Variants in UBN2 observed in about 807,000 individuals in gnomAD.
UBN2 encodes ubinuclein-2.
In UBN2, 35 loss-of-function variants were observed where a neutral mutation model predicts 120.2. The observed-to-expected ratio is 0.29, with a 90% CI of 0.22 to 0.39. UBN2 has a LOEUF of 0.39. Ranked by LOEUF, UBN2 falls within the 10% of genes least tolerant of loss-of-function variation. UBN2 has a pLI of 1.00. For missense variants in UBN2, 1,693 were observed against 1,663.2 expected, an observed-to-expected ratio of 1.02 and a Z score of -0.31; for synonymous variants, 661 against 648.7, an observed-to-expected ratio of 1.02 and a Z score of -0.29.
intron 12 of UBN2, chr7:139,277,718 G>A (rs1381690940): frequency 1.3e-5 from 2 of 152,156 alleles, no homozygotes; most frequent in Non-Finnish European, 1.5e-5. Context: ...ATACGTATAT[G>A]TTTGTGTCAG....
intron 2 of UBN2, among the ~76,000 whole-genome samples, chr7:139,240,452 A>T (rs201208679): frequency 0.13 from 7,291 of 57,244 alleles, 201 homozygotes; most frequent in Non-Finnish European, 0.16. Flanking sequence ...ATATATATAT[A>T]TATTTTTTTT....
At chr7:139,297,748 C>T (rs1299259381) in intron 17 of UBN2, 39 bp from the exon 18 acceptor site, 1 of 1,602,578 alleles carries the variant, frequency 6.2e-7, no homozygotes, top group Non-Finnish European at 8.5e-7. Context: ...GTTTTTGTAA[C>T]ATATGGACCC....
chr7:139,279,453 G>A lies in UBN2; in HGVS notation c.2067+93G>A, dbSNP rs893348277. 17 of 946,024 alleles carry A rather than the reference G, an allele frequency of 1.8e-5. No individual in the cohort carries two copies. The East Asian group carries it at 3.2e-4, about 18-fold the overall frequency. 58.6% of individuals were successfully genotyped at this position (946,024 alleles called of 1,614,324 possible). ...AAAAGATGTATGGTATTTAGCAGAG[G>A]TCAGTAGGCACTATAAGATAGATGT... On this transcript the variant is annotated intron_variant, in intron 13 of 17. Transcript: ENST00000473989.
intron 17 of UBN2, 135 bp downstream of exon 17, chr7:139,294,116 CT>C (rs1342851319): frequency 1.3e-6 from 1 of 771,964 alleles, no homozygotes; most frequent in Non-Finnish European, 2.1e-6. Context: ...ATCCTCATTC[CT>C]CATTAGCAAC....
At chr7:139,321,982 C>CTT in the UBN2 span, among the ~76,000 whole-genome samples, 11 of 146,668 alleles carry the variant, frequency 7.5e-5, no homozygotes, top group African/African-American at 2.7e-4. Flanking sequence ...GAAAAAGAGA[C>CTT]TTTTTTTTTT....
chr7:139,255,821 C>T (rs1440013422), intron 3 of UBN2, among the ~76,000 whole-genome samples: 1 of 152,058 alleles, frequency 6.6e-6, no homozygotes, highest in Non-Finnish European at 1.5e-5. Context: ...TTTTTAGTCT[C>T]ATATTTATGC....
At position 139,283,154 on chromosome 7, in the gene UBN2, T is replaced by G; in HGVS notation, c.2249T>G (p.Ile750Ser). The G allele has an allele frequency of 6.2e-7, 1 of 1,612,202 alleles. No individual in the cohort carries two copies. Among genetic ancestry groups the G allele is most frequent in the Non-Finnish European group, 8.5e-7 (1 of 1,179,778 alleles). ...AGCTCTGCACCAGCCCAAGAAACCA[T>G]CTGCCTCGACGACTCACTAGATGAA... ...SSSSAPAQET[I>S]CLDDSLDEDL... The change falls in exon 15 of 18, where the codon ATC becomes AGC. Residue 750 changes from isoleucine (I) to serine (S), a missense_variant. By Grantham distance (142) the Ile-to-Ser change is moderately radical (BLOSUM62 -2). This residue lies in a region of UBN2 where 837 missense variants were observed against 817.6 expected (regional missense o/e 1.02). Coordinates refer to ENST00000473989, the MANE Select transcript of UBN2 (RefSeq NM_173569.4).
At chr7:139,282,234 TA>T (rs1482125115) in intron 14 of UBN2, among the ~76,000 whole-genome samples, 179 bp downstream of exon 14, 5 of 152,212 alleles carry the variant, frequency 3.3e-5, no homozygotes, top group African/African-American at 1.2e-4. Flanking sequence ...TAGTTGCTTT[TA>T]AATTATTTTG....
chr7:139,274,161 T>C (rs1048532820), intron 11 of UBN2, 87 bp downstream of exon 11: 42 of 1,297,514 alleles, frequency 3.2e-5, no homozygotes, highest in Non-Finnish European at 4.0e-5. Flanking sequence ...ATATGTGACA[T>C]TGATTTTGCT....
In UBN2 at chr7:139,293,324, T is replaced by C. The variant is rs961917489; in HGVS notation, c.3762T>C (p.Phe1254=). 4 of 1,614,218 alleles carry C rather than the reference T, an allele frequency of 2.5e-6. No individual in the cohort carries two copies. The highest frequency in any genetic ancestry group is 3.4e-6 in the Non-Finnish European group (4 of 1,180,026). Residue 1254 remains phenylalanine (F), a synonymous_variant, in exon 16 of 18, where the codon TTT becomes TTC. Coordinates refer to ENST00000473989, the MANE Select transcript of UBN2 (RefSeq NM_173569.4). ...TAACAAATCAAAATGTGACTCCTTT[T>C]GGGATGCTGGGTGGCCTTGTTCCAG... The part of the protein sequence containing the change: ...LSVTNQNVTP[F]GMLGGLVPVT...
At chr7:139,293,111 C>T (rs1170830250) in intron 15 of UBN2, 121 bp from the exon 16 acceptor site, 3 of 785,570 alleles carry the variant, frequency 3.8e-6, no homozygotes, top group African/African-American at 3.5e-5. Context: ...GAGCCTGTCT[C>T]ACAACGTTTC....
rs570732880 is a variant in UBN2, at chr7:139,238,589, A to C, written c.561+1492A>C. Among the ~76,000 whole-genome samples the C allele has an allele frequency of 1.7e-3, 264 of 152,102 alleles. 1 individual carries two copies. Among genetic ancestry groups the C allele is most frequent in the African/African-American group, 6.3e-3 (261 of 41,508 alleles). On this transcript the variant is annotated intron_variant, in intron 2 of 17. Transcript: ENST00000473989. Reference sequence around the variant, plus strand: ...CAGGCATGCACCACCATGCCTGGCTAATTTTTGTATTTTTAGTAGAGATGG... The same window carrying C: ...CAGGCATGCACCACCATGCCTGGCTCATTTTTGTATTTTTAGTAGAGATGG...
At chr7:139,273,231 A>G in intron 9 of UBN2, 66 bp from the exon 10 acceptor site, 1 of 1,016,602 alleles carries the variant, frequency 9.8e-7, no homozygotes, top group Non-Finnish European at 1.4e-6. Flanking sequence ...GCAAGTATTT[A>G]TGGAGCATAT....
chr7:139,287,165 CTCT>C (rs1372853226), intron 15 of UBN2, among the ~76,000 whole-genome samples: 7 of 152,062 alleles, frequency 4.6e-5, no homozygotes, highest in Admixed American at 4.6e-4. Flanking sequence ...AAATAGTTTA[CTCT>C]TCTTAAAATT....
At chr7:139,246,241 T>C (rs1178163229) in intron 2 of UBN2, among the ~76,000 whole-genome samples, 2 of 152,152 alleles carry the variant, frequency 1.3e-5, no homozygotes, top group African/African-American at 4.8e-5. Context: ...AGTGCGCACC[T>C]GCAGTCCCAG....
Position 139,265,546 on chromosome 7 carries a change from A to C in UBN2, c.1396-787A>C, listed in dbSNP as rs113298813. On this transcript the variant is annotated intron_variant, in intron 6 of 17. Transcript: ENST00000473989. ...ATATTCTAATCCTTGGAATCTGCGAATGTTATTTTATATGGCAAAAGAAGG... is the reference window on the plus strand; with the variant it reads ...ATATTCTAATCCTTGGAATCTGCGACTGTTATTTTATATGGCAAAAGAAGG... Among the ~76,000 whole-genome samples, 932 of 152,316 alleles carry C rather than the reference A, an allele frequency of 6.1e-3. 6 individuals carry two copies. Among genetic ancestry groups the C allele is most frequent in the African/African-American group, 0.021 (855 of 41,560 alleles).
At chr7:139,292,413 A>G (rs1466227856) in intron 15 of UBN2, among the ~76,000 whole-genome samples, 2 of 152,336 alleles carry the variant, frequency 1.3e-5, no homozygotes, top group East Asian at 3.8e-4. Context: ...ATTCGTAAAC[A>G]TGGCATCAAA....
At chr7:139,247,255 A>T (rs542354630) in intron 2 of UBN2, among the ~76,000 whole-genome samples, 2 of 152,266 alleles carry the variant, frequency 1.3e-5, no homozygotes, top group East Asian at 3.9e-4. Flanking sequence ...CTCCATGTCC[A>T]TGTTAGCATT....
At position 139,231,435 on chromosome 7, in the gene UBN2, G is replaced by A; in HGVS notation, c.-50G>A. On this transcript the variant is annotated 5_prime_UTR_variant, in exon 1 of 18. Transcript: ENST00000473989. The stretch of plus-strand genomic sequence containing the variant: ...AGGGCGGGCAGGCACGCAGCGCGCC[G>A]TAGAAGCGAGCGCCGGCTCGAGCAA... The A allele has an allele frequency of 3.9e-6, 5 of 1,273,952 alleles. No homozygotes were observed. Among genetic ancestry groups the A allele is most frequent in the Non-Finnish European group, 5.0e-6 (5 of 1,000,926 alleles). The allele number at this position is 1,273,952 out of a possible 1,614,324, so 78.9% of individuals were successfully genotyped here. A position where few individuals can be genotyped will look rare whatever the true frequency, so the allele number is the denominator to read the frequency against.
Sources: gnomAD v4.1 joint callset for allele counts (sites outside exome capture counted in the v4.1 genomes callset) on GRCh38, gnomAD v4.1.1 for gene constraint, gnomAD v4.1.1 regional missense constraint, MANE v1.5 for transcripts, NCBI Gene and HGNC (gene_info 2026-07-23, HGNC 2026-07-21) for gene names.